Variants in DRD3 observed in about 807,000 individuals in gnomAD.
DRD3 encodes the protein dopamine receptor D3.
Under a neutral mutation model 36.3 loss-of-function variants are expected in DRD3, and 19 were observed. The ratio of observed to expected loss-of-function variants is 0.52; its 90% CI spans 0.36 to 0.77. The LOEUF (loss-of-function observed/expected upper bound fraction) is 0.77, where lower values mean the gene tolerates loss of function less well. DRD3 is among the 30% of genes least tolerant of loss of function. The pLI is 0.00. For missense variants in DRD3, 465 were observed against 505.3 expected, an observed-to-expected ratio of 0.92 and a Z score of 0.77; for synonymous variants, 195 against 203.7, an observed-to-expected ratio of 0.96 and a Z score of 0.36.
rs1023422315 is a variant in DRD3, at chr3:114,128,113, C to A, written c.*603G>T. 6.6e-6 allele frequency among the ~76,000 whole-genome samples: 1 copy of A among 152,124 alleles called. No homozygotes were observed. The highest frequency in any genetic ancestry group is 2.4e-5 in the African/African-American group (1 of 41,416). The stretch of plus-strand genomic sequence containing the variant: ...AGGGTAGCAAAGTTTGAAATGAAGC[C>A]CCCATCCCAATGTGGGACAGTGTTT... On this transcript the variant is annotated 3_prime_UTR_variant, in exon 7 of 7. Coordinates refer to ENST00000383673, the MANE Select transcript of DRD3 (RefSeq NM_000796.6).
intron 2 of DRD3, among the ~76,000 whole-genome samples, chr3:114,165,098 A>G (rs928629399): frequency 1.3e-5 from 2 of 152,244 alleles, no homozygotes; most frequent in African/African-American, 4.8e-5. Flanking sequence ...TTCATAAAGG[A>G]TATCAGTTTT....
upstream of DRD3, among the ~76,000 whole-genome samples, chr3:114,183,204 GT>G (rs2077957379): frequency 6.6e-6 from 1 of 152,138 alleles, no homozygotes; most frequent in Non-Finnish European, 1.5e-5. Flanking sequence ...TTAAAAGTGT[GT>G]TGTTTAATTT....
upstream of DRD3, among the ~76,000 whole-genome samples, chr3:114,180,512 G>T (rs2077941156): frequency 6.6e-6 from 1 of 152,134 alleles, no homozygotes; most frequent in South Asian, 2.1e-4. Flanking sequence ...GCATCTGTCT[G>T]CAAGCCAAGG....
intron 1 of DRD3, among the ~76,000 whole-genome samples, chr3:114,191,283 C>G (rs1246329066): frequency 6.6e-6 from 1 of 152,174 alleles, no homozygotes. Flanking sequence ...CTATGGTAGA[C>G]TTGGTGCTTT....
At chr3:114,177,557 C>T (rs1454101339) in intron 1 of DRD3, among the ~76,000 whole-genome samples, 1 of 152,148 alleles carries the variant, frequency 6.6e-6, no homozygotes, top group Non-Finnish European at 1.5e-5. Context: ...TGATGACAAA[C>T]TTCAATGCAT....
chr3:114,157,362 C>T (rs1016468376), intron 3 of DRD3, among the ~76,000 whole-genome samples: 4 of 151,976 alleles, frequency 2.6e-5, no homozygotes, highest in Non-Finnish European at 5.9e-5. Flanking sequence ...CCTCAATCCC[C>T]CTTTTCAATT....
At chr3:114,154,258 C>T (rs1373238496) in intron 3 of DRD3, among the ~76,000 whole-genome samples, 2 of 152,206 alleles carry the variant, frequency 1.3e-5, no homozygotes, top group Non-Finnish European at 2.9e-5. Flanking sequence ...TGGTTGGTCA[C>T]TTACTGAAGG....
intron 3 of DRD3, among the ~76,000 whole-genome samples, chr3:114,153,952 G>C (rs1285353697): frequency 6.6e-6 from 1 of 152,112 alleles, no homozygotes; most frequent in Non-Finnish European, 1.5e-5. Flanking sequence ...TTTTATTATT[G>C]TTGCTTCCAG....
At chr3:114,156,758 T>TCTTA (rs2077675572) in intron 3 of DRD3, among the ~76,000 whole-genome samples, 1 of 113,880 alleles carries the variant, frequency 8.8e-6, no homozygotes, top group African/African-American at 3.4e-5. Flanking sequence ...TTTCTTTCTT[T>TCTTA]CTTTCTTTCT....
At chr3:114,193,613 G>A (rs1017820667) in intron 1 of DRD3, among the ~76,000 whole-genome samples, 7 of 152,172 alleles carry the variant, frequency 4.6e-5, no homozygotes, top group African/African-American at 1.7e-4. Flanking sequence ...CCTATGAATG[G>A]AGAGTAAGGG....
intron 1 of DRD3, among the ~76,000 whole-genome samples, chr3:114,191,714 G>A (rs2078011726): frequency 6.6e-6 from 1 of 152,160 alleles, no homozygotes. Context: ...TAGAGATGGG[G>A]AAGAGTGAAT....
At chr3:114,196,739 C>A (rs1333668313) in intron 1 of DRD3, among the ~76,000 whole-genome samples, 3 of 152,150 alleles carry the variant, frequency 2.0e-5, no homozygotes, top group Non-Finnish European at 2.9e-5. Context: ...CGATGCTGGG[C>A]ATCTTTTCTT....
chr3:114,128,931 G>T lies in DRD3; in HGVS notation c.1007-19C>A, dbSNP rs777360086. 6 of 1,551,860 alleles carry T rather than the reference G, an allele frequency of 3.9e-6. No homozygotes were observed. Among genetic ancestry groups the T allele is most frequent in the Non-Finnish European group, 5.2e-6 (6 of 1,149,010 alleles). On this transcript the variant is annotated intron_variant, in intron 6 of 6. Coordinates refer to ENST00000383673, the MANE Select transcript of DRD3 (RefSeq NM_000796.6). ...AAGGCCCCTAAGTTGCCAAATAAGA[G>T]AGAAACTGGGTAAGGGATTTGCTTA...
intron 3 of DRD3, among the ~76,000 whole-genome samples, chr3:114,155,012 C>T (rs969903512): frequency 6.6e-6 from 1 of 152,224 alleles, no homozygotes; most frequent in African/African-American, 2.4e-5. Context: ...AATCTAATGA[C>T]AATAGTATTA....
intron 5 of DRD3, 110 bp from the exon 6 acceptor site, chr3:114,131,510 T>G (rs1326492802): frequency 1.1e-5 from 16 of 1,404,694 alleles, no homozygotes; most frequent in African/African-American, 1.4e-5. Context: ...AACACAGTTG[T>G]GGGAAACCTA....
At chr3:114,136,027 ATCT>A (rs2077472020) in intron 5 of DRD3, among the ~76,000 whole-genome samples, 1 of 152,094 alleles carries the variant, frequency 6.6e-6, no homozygotes, top group African/African-American at 2.4e-5. Context: ...GCACCTACTG[ATCT>A]TCTTAAAGTG....
intron 1 of DRD3, among the ~76,000 whole-genome samples, chr3:114,184,918 T>A (rs912036539): frequency 3.3e-5 from 5 of 152,042 alleles, no homozygotes; most frequent in African/African-American, 1.2e-4. Flanking sequence ...TTGACAGGTA[T>A]TTTTTTCTTT....
intron 2 of DRD3, among the ~76,000 whole-genome samples, chr3:114,164,871 C>T (rs1029427715): frequency 6.6e-6 from 1 of 152,222 alleles, no homozygotes; most frequent in African/African-American, 2.4e-5. Flanking sequence ...CCTGCCTCAG[C>T]CTCCCAAGTA....
At chr3:114,152,262 G>C (rs1180081441) in intron 3 of DRD3, among the ~76,000 whole-genome samples, 1 of 151,920 alleles carries the variant, frequency 6.6e-6, no homozygotes, top group Non-Finnish European at 1.5e-5. Flanking sequence ...CCCTCCTTGG[G>C]GATTCTTCCC....
Sources: gnomAD v4.1 joint callset for allele counts (sites outside exome capture counted in the v4.1 genomes callset) on GRCh38, gnomAD v4.1.1 for gene constraint, MANE v1.5 for transcripts, NCBI Gene and HGNC (gene_info 2026-07-23, HGNC 2026-07-21) for gene names.